The following PPFIA2 variants were observed in gnomAD, a reference collection of about 807,000 sequenced individuals.
PPFIA2 encodes PPFI scaffold protein A2, also known as liprin-alpha-2.
A neutral mutation model predicts 175.5 loss-of-function variants in PPFIA2; 46 were observed. The observed-to-expected ratio is 0.26, with a 90% confidence interval of 0.21 to 0.34. The LOEUF is 0.34. Ranked by LOEUF, PPFIA2 falls within the 10% of genes least tolerant of loss-of-function variation. The probability of loss-of-function intolerance (pLI) is 1.00; values close to 1 mark genes in which losing one functional copy is unlikely to be tolerated. For synonymous variants in PPFIA2, 568 were observed against 511.4 expected (o/e 1.11, Z -1.49); for missense variants, 1,179 against 1,506.1 (o/e 0.78, Z 3.60).
intron 28 of PPFIA2, among the ~76,000 whole-genome samples, chr12:81,271,271 T>G (rs1313054766): frequency 6.6e-6 from 1 of 152,158 alleles, no homozygotes; most frequent in Non-Finnish European, 1.5e-5. Flanking sequence ...TTAGCTTTCT[T>G]TTTTCTTTTA....
chr12:81,303,298 T>A (rs148194412), intron 22 of PPFIA2, among the ~76,000 whole-genome samples: 2 of 152,268 alleles, frequency 1.3e-5, no homozygotes, highest in African/African-American at 4.8e-5. Context: ...TTTCAGTCAA[T>A]CAAATATTTG....
chr12:81,573,148 G>A (rs541902626), intron 4 of PPFIA2, among the ~76,000 whole-genome samples: 6 of 151,918 alleles, frequency 3.9e-5, no homozygotes, highest in African/African-American at 1.4e-4. Context: ...GATTTTCAGA[G>A]CGTGTTGCAG....
At chr12:81,469,874 T>A (rs188942798) in intron 4 of PPFIA2, among the ~76,000 whole-genome samples, 11 of 152,242 alleles carry the variant, frequency 7.2e-5, no homozygotes, top group Non-Finnish European at 1.3e-4. Flanking sequence ...TTATTTCCCA[T>A]TTTAGAAGAG....
chr12:81,637,173 G>T (rs1481779191), intron 4 of PPFIA2, among the ~76,000 whole-genome samples: 7 of 146,542 alleles, frequency 4.8e-5, no homozygotes, highest in Non-Finnish European at 7.4e-5. Flanking sequence ...GGGTTCAAGC[G>T]ATTCTCCTGC....
intron 4 of PPFIA2, among the ~76,000 whole-genome samples, chr12:81,485,686 A>G (rs1289299652): frequency 2.6e-5 from 4 of 151,982 alleles, no homozygotes; most frequent in Non-Finnish European, 4.4e-5. Flanking sequence ...AGAAATGTAT[A>G]ACACAAGTCA....
chr12:81,663,087 GC>G (rs1251562482), intron 4 of PPFIA2, among the ~76,000 whole-genome samples: 76 of 151,908 alleles, frequency 5.0e-4, no homozygotes, highest in African/African-American at 1.8e-3. Context: ...CAAACCCACA[GC>G]CAATATCATA....
At chr12:81,427,820 C>T (rs550031939) in intron 7 of PPFIA2, among the ~76,000 whole-genome samples, 8 of 151,882 alleles carry the variant, frequency 5.3e-5, no homozygotes, top group East Asian at 1.9e-4. Flanking sequence ...CCAAATATTA[C>T]GACTTCTTTG....
intron 8 of PPFIA2, among the ~76,000 whole-genome samples, chr12:81,391,422 G>A (rs933547358): frequency 2.0e-5 from 3 of 151,868 alleles, no homozygotes; most frequent in East Asian, 1.9e-4. Flanking sequence ...CATAGATTAC[G>A]ATGGCCTTTG....
chr12:81,451,273 T>C (rs528222837), intron 5 of PPFIA2, among the ~76,000 whole-genome samples: 4 of 152,114 alleles, frequency 2.6e-5, no homozygotes, highest in Non-Finnish European at 5.9e-5. Flanking sequence ...CCCCTCCCCC[T>C]GACTGTTTGA....
intron 4 of PPFIA2, among the ~76,000 whole-genome samples, chr12:81,573,710 C>T (rs561106813): frequency 1.3e-5 from 2 of 151,988 alleles, no homozygotes; most frequent in South Asian, 4.1e-4. Context: ...AACAGCATGT[C>T]TTTAATCACT....
At chr12:81,673,977 C>A (rs2071945528) in intron 4 of PPFIA2, among the ~76,000 whole-genome samples, 1 of 151,942 alleles carries the variant, frequency 6.6e-6, no homozygotes, top group African/African-American at 2.4e-5. Flanking sequence ...ATACAAAATT[C>A]TCCTAGAGTT....
At chr12:81,585,952 T>C (rs1417501914) in intron 4 of PPFIA2, among the ~76,000 whole-genome samples, 1 of 151,908 alleles carries the variant, frequency 6.6e-6, no homozygotes, top group Non-Finnish European at 1.5e-5. Context: ...ATGATGTGTA[T>C]GATGTTATGA....
intron 4 of PPFIA2, among the ~76,000 whole-genome samples, chr12:81,507,130 A>G (rs974136466): frequency 1.2e-4 from 19 of 152,214 alleles, no homozygotes; most frequent in African/African-American, 3.4e-4. Flanking sequence ...ATGCTTATCT[A>G]GACACTAGAC....
chr12:81,642,704 A>ATATATTATATACATACG (rs1555549360), intron 4 of PPFIA2, among the ~76,000 whole-genome samples: 290 of 9,442 alleles, frequency 0.031, 98 homozygotes, highest in Non-Finnish European at 0.039. Flanking sequence ...ATACATGTAT[A>ATATATTATATACATACG]TGTATGTATG....
chr12:81,617,071 T>C (rs1189591077), intron 4 of PPFIA2, among the ~76,000 whole-genome samples: 1 of 152,170 alleles, frequency 6.6e-6, no homozygotes, highest in Admixed American at 6.5e-5. Flanking sequence ...TCAGTTTTGT[T>C]CTCTAAAAAG....
chr12:81,537,680 C>T (rs780611480), intron 4 of PPFIA2, among the ~76,000 whole-genome samples: 12 of 151,876 alleles, frequency 7.9e-5, no homozygotes, highest in African/African-American at 1.4e-4. Flanking sequence ...CATATCAAGA[C>T]GTATTTTAAG....
At chr12:81,361,692 T>C (rs2030445040) in intron 15 of PPFIA2, among the ~76,000 whole-genome samples, 1 of 151,656 alleles carries the variant, frequency 6.6e-6, no homozygotes, top group Non-Finnish European at 1.5e-5. Flanking sequence ...GAGAGCATAC[T>C]ATATGCAAGA....
rs1297687334 is a variant in PPFIA2 at position 81,307,441 on chromosome 12, A to T, written c.2643-8059T>A. On this transcript the variant is annotated intron_variant, in intron 22 of 32. Coordinates refer to ENST00000549396, the MANE Select transcript of PPFIA2 (RefSeq NM_003625.5). Reference sequence around the variant, plus strand: ...CATTTTTAAAGTATTCTATATTTTTATAACTTCCAACTGTTCATTGCATCT... The same window carrying T: ...CATTTTTAAAGTATTCTATATTTTTTTAACTTCCAACTGTTCATTGCATCT... 2.0e-5 allele frequency among the ~76,000 whole-genome samples: 3 copies of T among 152,236 alleles called. No individual in the cohort carries two copies. The East Asian group carries it at 5.8e-4, about 29-fold the overall frequency.
At chr12:81,642,658 C>CGTTTATGTATA (rs1567685600) in intron 4 of PPFIA2, among the ~76,000 whole-genome samples, 1 of 43,560 alleles carries the variant, frequency 2.3e-5, no homozygotes, top group African/African-American at 8.5e-5. Flanking sequence ...ATGTATGTAT[C>CGTTTATGTATA]TATTATATAC....
Sources: allele counts gnomAD v4.1 joint callset (sites outside exome capture counted in the v4.1 genomes callset), GRCh38; gene constraint gnomAD v4.1.1; transcripts MANE v1.5; gene names NCBI Gene and HGNC (gene_info 2026-07-23, HGNC 2026-07-21).